BTD: variants seen among roughly 807,000 people sequenced by gnomAD.
BTD encodes biocytinase.
In BTD, 13 loss-of-function variants were observed where a neutral mutation model predicts 17.7. The observed-to-expected ratio is 0.74, with a 90% confidence interval of 0.48 to 1.17. The LOEUF is 1.17. Among genes scored for constraint, BTD ranks in the 50% most tolerant of loss-of-function variants. The pLI, the probability that BTD is intolerant of heterozygous loss-of-function variation, is 0.00. For missense variants in BTD, 674 were observed against 650.4 expected (o/e 1.04, Z -0.39); for synonymous variants, 240 against 245.2 (o/e 0.98, Z 0.20).
intron 3 of BTD, chr3:15,709,817 G>A (rs2071977261): frequency 3.5e-6 from 3 of 850,144 alleles, no homozygotes; most frequent in Non-Finnish European, 5.4e-6. Context: ...AAGCATGAAA[G>A]CATGTTTTTA....
chr3:15,683,826 C>T (rs1289468859), intron 3 of BTD: 1 of 152,188 alleles, frequency 6.6e-6, no homozygotes, highest in East Asian at 1.9e-4. Context: ...TTTGTCAGAA[C>T]AGCTCCCAGT....
intron 3 of BTD, chr3:15,679,417 G>T (rs1202431945): frequency 6.2e-7 from 1 of 1,612,426 alleles, no homozygotes; most frequent in Non-Finnish European, 8.5e-7. Flanking sequence ...CATTCTCACA[G>T]CAATGGTGTA....
rs2071711671 is a variant in BTD at position 15,708,116 on chromosome 3, T to C, written c.400-1944T>C. 1.9e-6 allele frequency: 3 copies of C among 1,545,364 alleles called. No homozygotes were observed. In the South Asian group the frequency reaches 3.6e-5, roughly 18 times the overall value. ...AGATAAAAGCCAGAGACATAACTAG[T>C]AAACAAAAGCATAGTTGACTCTTAC... is the stretch of plus-strand genomic sequence containing the variant. On this transcript the variant is annotated intron_variant, in intron 3 of 3. Transcript: ENST00000672141.
intron 3 of BTD, among the ~76,000 whole-genome samples, chr3:15,690,923 T>G (rs114166623): frequency 6.6e-6 from 1 of 152,166 alleles, no homozygotes; most frequent in East Asian, 1.9e-4. Flanking sequence ...CAAAGACAGC[T>G]AGCAACTTGA....
At chr3:15,692,274 C>A (rs2068912444) in intron 3 of BTD, among the ~76,000 whole-genome samples, 1 of 151,926 alleles carries the variant, frequency 6.6e-6, no homozygotes, top group East Asian at 1.9e-4. Context: ...AACAGTGAGA[C>A]CTTGTCTCTA....
chr3:15,710,659 AAGAAGCATGTTCC>A (rs1307562640), exon 4 of BTD, among the ~76,000 whole-genome samples: 2 of 152,234 alleles, frequency 1.3e-5, no homozygotes, highest in Non-Finnish European at 2.9e-5. Context: ...AGCATTAGAT[AAGAAGCATGTTCC>A]AGAGGCCATG....
At chr3:15,713,557 G>A (rs1158356181), downstream of BTD, 1 of 1,611,604 alleles carries the variant, frequency 6.2e-7, no homozygotes, top group African/African-American at 1.3e-5. Flanking sequence ...TGTAATAAGA[G>A]TGTTGATCAG....
In BTD at chr3:15,649,236, A is replaced by T. The variant is rs73817040; in HGVS notation, c.*3748A>T. ...TTGGGTCTTTCCATAGGGATAGCTG[A>T]GTGTCCTCATGATGTGGCCCCTGGC... On this transcript the variant is annotated 3_prime_UTR_variant, in exon 4 of 4. Coordinates refer to ENST00000643237, the MANE Select transcript of BTD (RefSeq NM_001370658.1). 0.032 allele frequency among the ~76,000 whole-genome samples: 4,870 copies of T among 152,298 alleles called. 260 individuals are homozygous for T. The highest frequency in any genetic ancestry group is 0.11 in the African/African-American group (4,563 of 41,548).
chr3:15,626,168 T>C (rs1574999438), intron 1 of BTD, among the ~76,000 whole-genome samples: 1 of 152,240 alleles, frequency 6.6e-6, no homozygotes, highest in East Asian at 1.9e-4. Flanking sequence ...TTCCTGTTGT[T>C]ATTCATCCAT....
chr3:15,712,153 T>G (rs2072382756), exon 4 of BTD: 1 of 1,577,242 alleles, frequency 6.3e-7, no homozygotes, highest in Admixed American at 1.8e-5. Context: ...AAGAAAGAAG[T>G]TTTCTGCAGC....
chr3:15,661,265 C>CAAAA (rs56165902), intron 3 of BTD, among the ~76,000 whole-genome samples: 39 of 93,756 alleles, frequency 4.2e-4, no homozygotes, highest in African/African-American at 1.7e-3. Context: ...GACTCTGTCT[C>CAAAA]AAAAAAAAAA....
chr3:15,696,977 C>A (rs1030739093), intron 3 of BTD, among the ~76,000 whole-genome samples: 1 of 152,106 alleles, frequency 6.6e-6, no homozygotes, highest in African/African-American at 2.4e-5. Flanking sequence ...TTGAAAAAGG[C>A]ACTTGCACAT....
Position 15,642,111 on chromosome 3 carries a change from T to G in BTD, c.399+54T>G, listed in dbSNP as rs554097225. ...TGAGGGTACACAGAGGTGATCTAAG[T>G]CAGGGACCAGAAGCTGTGACATGTT... On this transcript the variant is annotated intron_variant, in intron 3 of 3. Coordinates refer to ENST00000643237, the MANE Select transcript of BTD (RefSeq NM_001370658.1). 3.9e-5 allele frequency: 62 copies of G among 1,608,444 alleles called. No individual in the cohort carries two copies. The East Asian group carries it at 1.3e-3, about 33-fold the overall frequency.
intron 3 of BTD, chr3:15,709,648 G>GA: frequency 6.5e-7 from 1 of 1,530,208 alleles, no homozygotes; most frequent in Non-Finnish European, 8.8e-7. Flanking sequence ...GCTCCATAAA[G>GA]AAACTGTATC....
At chr3:15,664,340 T>C (rs183433247) in intron 3 of BTD, among the ~76,000 whole-genome samples, 1 of 152,332 alleles carries the variant, frequency 6.6e-6, no homozygotes, top group African/African-American at 2.4e-5. Context: ...AGAATGAGGT[T>C]TTGAAAGAGC....
At chr3:15,706,913 C>T (rs2071517759) in intron 3 of BTD, among the ~76,000 whole-genome samples, 1 of 152,082 alleles carries the variant, frequency 6.6e-6, no homozygotes, top group Non-Finnish European at 1.5e-5. Context: ...TGTTCATATC[C>T]TTCACCCAAT....
chr3:15,686,427 G>T, intron 3 of BTD: 1 of 784,014 alleles, frequency 1.3e-6, no homozygotes, highest in Non-Finnish European at 2.0e-6. Flanking sequence ...AATTTAATAT[G>T]CAAGAATGAA....
intron 1 of BTD, among the ~76,000 whole-genome samples, chr3:15,610,588 G>C (rs905366252): frequency 6.6e-6 from 1 of 152,098 alleles, no homozygotes; most frequent in Non-Finnish European, 1.5e-5. Context: ...TGTCAAGCTC[G>C]CATATTTATG....
chr3:15,665,280 T>C (rs111781449), intron 3 of BTD, among the ~76,000 whole-genome samples: 2,818 of 152,288 alleles, frequency 0.019, 91 homozygotes, highest in African/African-American at 0.063. Flanking sequence ...AAGTAGTCAC[T>C]AGCCAAGCTT....
Sources: gnomAD v4.1 joint callset for allele counts (sites outside exome capture counted in the v4.1 genomes callset) on GRCh38, gnomAD v4.1.1 for gene constraint, MANE v1.5 for transcripts, NCBI Gene and HGNC (gene_info 2026-07-23, HGNC 2026-07-21) for gene names.